The following CORO2B variants were observed in gnomAD, a reference collection of about 807,000 sequenced individuals.
The protein encoded by CORO2B is coronin-2B.
A neutral mutation model predicts 58.8 loss-of-function variants in CORO2B; 26 were observed. The ratio of observed to expected loss-of-function variants is 0.44; its 90% confidence interval spans 0.32 to 0.61. The LOEUF (loss-of-function observed/expected upper bound fraction) is 0.61, where lower values mean the gene tolerates loss of function less well. Among genes scored for constraint, CORO2B ranks in the 20% least tolerant of loss-of-function variants. The probability of loss-of-function intolerance (pLI) is 0.04; values close to 1 mark genes in which losing one functional copy is unlikely to be tolerated. For missense variants in CORO2B, 460 were observed against 645.1 expected, an observed-to-expected ratio of 0.71 and a Z score of 3.11; for synonymous variants, 242 against 253.8, an observed-to-expected ratio of 0.95 and a Z score of 0.44.
intron 8 of CORO2B, among the ~76,000 whole-genome samples, chr15:68,716,182 G>C (rs1167913298): frequency 1.3e-5 from 2 of 152,172 alleles, no homozygotes; most frequent in South Asian, 2.1e-4. Flanking sequence ...CCCCAACTCT[G>C]TCATCCCCAC....
intron 1 of CORO2B, among the ~76,000 whole-genome samples, chr15:68,642,750 G>A (rs1327001052): frequency 3.3e-5 from 5 of 152,192 alleles, no homozygotes; most frequent in African/African-American, 4.8e-5. Flanking sequence ...GAGAGGCGCC[G>A]GCTGTCTGCG....
chr15:68,552,705 C>A, the CORO2B span, among the ~76,000 whole-genome samples: 2 of 152,202 alleles, frequency 1.3e-5, no homozygotes, highest in Admixed American at 6.5e-5. Context: ...CCTTCTCCAT[C>A]ACTCCTCATC....
chr15:68,600,069 A>C (rs1027252002), intron 1 of CORO2B, among the ~76,000 whole-genome samples: 10 of 152,308 alleles, frequency 6.6e-5, no homozygotes, highest in African/African-American at 2.4e-4. Context: ...TGTAGCCTCC[A>C]GTCTGTCTCA....
intron 9 of CORO2B, 100 bp downstream of exon 9, chr15:68,718,910 G>T: frequency 9.1e-7 from 1 of 1,099,038 alleles, no homozygotes; most frequent in South Asian, 1.3e-5. Flanking sequence ...TGAGAGATGT[G>T]CTGTGAACTG....
chr15:68,721,497 G>T (rs1257911106), intron 11 of CORO2B, among the ~76,000 whole-genome samples: 1 of 151,938 alleles, frequency 6.6e-6, no homozygotes, highest in Non-Finnish European at 1.5e-5. Context: ...CCTGAGGTCA[G>T]GAGTTTGAGA....
chr15:68,616,956 A>G (rs377245650), intron 1 of CORO2B, among the ~76,000 whole-genome samples: 10 of 152,264 alleles, frequency 6.6e-5, no homozygotes, highest in African/African-American at 2.4e-4. Context: ...GGAAGGAACT[A>G]AAGTTTACAA....
chr15:68,578,912 C>T, upstream of CORO2B: 1 of 562,354 alleles, frequency 1.8e-6, no homozygotes, highest in Non-Finnish European at 2.3e-6. The surrounding 1 kb of genome is among the most constrained non-coding windows in gnomAD (Gnocchi z 4.2). Context: ...CCTCCTCCCT[C>T]CGCCTCCTCC....
chr15:68,565,548 T>G, the CORO2B span, among the ~76,000 whole-genome samples: 1 of 151,542 alleles, frequency 6.6e-6, no homozygotes. Context: ...TATATATATT[T>G]ATAAAGCTCA....
intron 1 of CORO2B, chr15:68,632,205 A>C (rs917084109): frequency 9.2e-5 from 91 of 985,388 alleles, no homozygotes; most frequent in Admixed American, 2.5e-4. Flanking sequence ...CTTGGGCGCT[A>C]TTCATCCACA....
chr15:68,719,055 C>T (rs1491639), intron 9 of CORO2B, 89 bp from the exon 10 acceptor site: 1,004,491 of 1,080,264 alleles, frequency 0.93, 471,880 homozygotes, highest in Non-Finnish European at 0.96. Context: ...GGTAGAGTGA[C>T]TGGAGATCAG....
intron 2 of CORO2B, among the ~76,000 whole-genome samples, chr15:68,648,044 A>T (rs1184258192): frequency 6.7e-6 from 1 of 148,880 alleles, no homozygotes; most frequent in African/African-American, 2.5e-5. Flanking sequence ...AAAAAAAAAA[A>T]AAAAGAGTCT....
At chr15:68,682,488 A>C (rs1902823073) in intron 2 of CORO2B, among the ~76,000 whole-genome samples, 1 of 152,098 alleles carries the variant, frequency 6.6e-6, no homozygotes, top group Non-Finnish European at 1.5e-5. Flanking sequence ...CAGGATGTTT[A>C]CAGCTGTCAG....
In CORO2B at chr15:68,629,820, A is replaced by ATG. The variant is rs757594532; in HGVS notation, c.16-15322_16-15321dup. ...TCAGGAGCTTGGGCTCTTAACCAGC[A>ATG]TGTGTGTGTGTGTGTGTGTCTGTGT... On this transcript the variant is annotated intron_variant, in intron 1 of 11. Transcript: ENST00000261861. Among the ~76,000 whole-genome samples the ATG allele has an allele frequency of 1.0e-3, 158 of 151,140 alleles. 1 individual carries two copies. Among genetic ancestry groups the ATG allele is most frequent in the Admixed American group, 4.0e-3 (60 of 15,182 alleles).
chr15:68,591,386 G>C (rs1281267544), intron 1 of CORO2B, among the ~76,000 whole-genome samples: 1 of 152,264 alleles, frequency 6.6e-6, no homozygotes, highest in African/African-American at 2.4e-5. Flanking sequence ...GTTGGGTGCT[G>C]CTGGGCTGGA....
chr15:68,578,961 C>A, upstream of CORO2B: 1 of 902,500 alleles, frequency 1.1e-6, no homozygotes, highest in Non-Finnish European at 1.3e-6. This position sits in a 1 kb window ranked among gnomAD's most constrained non-coding sequence, Gnocchi z 4.2. Context: ...TCCCCCCGCC[C>A]CCCAGCCCGG....
At chr15:68,588,190 GT>G (rs1899616423) in intron 1 of CORO2B, among the ~76,000 whole-genome samples, 1 of 152,148 alleles carries the variant, frequency 6.6e-6, no homozygotes, top group Admixed American at 6.5e-5. Context: ...GATTTAGGCA[GT>G]TCCTTCCAAT....
At chr15:68,715,387 C>G in intron 8 of CORO2B, 76 bp downstream of exon 8, 4 of 1,037,496 alleles carry the variant, frequency 3.9e-6, no homozygotes, top group Non-Finnish European at 5.9e-6. Context: ...TCACCCCCTC[C>G]CTTAAGTGGA....
rs138418027 is a variant in CORO2B, at chr15:68,596,167, C to A, written c.15+16890C>A. Among the ~76,000 whole-genome samples the A allele has an allele frequency of 4.8e-4, 73 of 152,178 alleles. No individual in the cohort carries two copies. In the East Asian group the frequency reaches 0.011, roughly 23 times the overall value. Reference sequence around the variant, plus strand: ...AGAGATGCGACGAAGTCATTAGATTCCACAACAATAAATCTTCATTAAGCA... The same window carrying A: ...AGAGATGCGACGAAGTCATTAGATTACACAACAATAAATCTTCATTAAGCA... On this transcript the variant is annotated intron_variant, in intron 1 of 11. Coordinates refer to ENST00000261861, the MANE Select transcript of CORO2B (RefSeq NM_006091.5).
chr15:68,583,196 G>T (rs1232125755), intron 1 of CORO2B, among the ~76,000 whole-genome samples: 1 of 152,134 alleles, frequency 6.6e-6, no homozygotes, highest in Non-Finnish European at 1.5e-5. Context: ...ATGTTATCCT[G>T]CCCAGGTAAT....
Sources: gnomAD v4.1 joint callset for allele counts (sites outside exome capture counted in the v4.1 genomes callset) on GRCh38, gnomAD v4.1.1 for gene constraint, Gnocchi (gnomAD v3.1) non-coding constraint, MANE v1.5 for transcripts, NCBI Gene and HGNC (gene_info 2026-07-23, HGNC 2026-07-21) for gene names.